The following FARSB variants were observed in gnomAD, a reference collection of about 807,000 sequenced individuals.
The protein encoded by FARSB is phenylalanine--tRNA ligase beta subunit.
FARSB carries 40 observed loss-of-function variants against 69.6 expected under a neutral mutation model. That is an observed-to-expected ratio of 0.57 (90% confidence interval 0.45 to 0.75). The LOEUF (loss-of-function observed/expected upper bound fraction) is 0.75, where lower values mean the gene tolerates loss of function less well. Among genes scored for constraint, FARSB ranks in the 30% least tolerant of loss-of-function variants. The pLI is 0.00. For synonymous variants in FARSB, 235 were observed against 247.2 expected, an observed-to-expected ratio of 0.95 and a Z score of 0.46; for missense variants, 632 against 722.9, an observed-to-expected ratio of 0.87 and a Z score of 1.44.
chr2:222,618,843 G>A (rs1559205098), intron 14 of FARSB, among the ~76,000 whole-genome samples: 1 of 152,098 alleles, frequency 6.6e-6, no homozygotes, highest in African/African-American at 2.4e-5. Context: ...ACAAATGAAT[G>A]GAAAAGAGAT....
intron 7 of FARSB, 78 bp downstream of exon 7, chr2:222,633,121 G>A: frequency 2.5e-6 from 2 of 796,356 alleles, no homozygotes; most frequent in Admixed American, 3.7e-5. Context: ...ATTCAGCCAA[G>A]TCTATTGAGA....
chr2:222,595,571 G>T (rs1690388818), intron 16 of FARSB, among the ~76,000 whole-genome samples: 1 of 152,130 alleles, frequency 6.6e-6, no homozygotes, highest in Admixed American at 6.5e-5. Context: ...CAAAACTAAA[G>T]TTCTAAACCT....
intron 15 of FARSB, among the ~76,000 whole-genome samples, chr2:222,602,599 C>A (rs1404724136): frequency 6.6e-6 from 1 of 151,076 alleles, no homozygotes; most frequent in Non-Finnish European, 1.5e-5. Flanking sequence ...CCATATTATC[C>A]AGTAATTCTA....
At position 222,605,688 on chromosome 2, in the gene FARSB, C is replaced by A. The variant is rs1213646654; in HGVS notation, c.1463-5605G>T. ...ATCCCAGTACTTTAGAAGGCCGAGG[C>A]AGAAGGATCACTTGAGCCCAGGAGT... is the stretch of plus-strand genomic sequence containing the variant. On this transcript the variant is annotated intron_variant, in intron 15 of 16. Coordinates refer to ENST00000281828, the MANE Select transcript of FARSB (RefSeq NM_005687.5). Among the ~76,000 whole-genome samples the A allele has an allele frequency of 2.6e-5, 4 of 152,244 alleles. No homozygotes were observed. In the South Asian group the frequency reaches 6.2e-4, roughly 24 times the overall value.
Position 222,643,006 on chromosome 2 carries a change from C to A in FARSB, c.115-1G>T. ...TACTTATTATTTCCTTCTCAGATGT[C>A]TAAAACAAGCCAAAAAGTAATGATA... is the stretch of plus-strand genomic sequence containing the variant. On this transcript the variant is annotated splice_acceptor_variant, in intron 2 of 16. Coordinates refer to ENST00000281828, the MANE Select transcript of FARSB (RefSeq NM_005687.5). LOFTEE classifies it high-confidence loss of function. 6.4e-7 allele frequency: 1 copy of A among 1,552,110 alleles called. No individual in the cohort carries two copies.
At chr2:222,623,272 GTCCACAAGCCTTTA>G (rs1445278964) in intron 13 of FARSB, among the ~76,000 whole-genome samples, 1 of 152,158 alleles carries the variant, frequency 6.6e-6, no homozygotes, top group African/African-American at 2.4e-5. Context: ...ATGTGGAACA[GTCCACAAGCCTTTA>G]CCCAGGACGG....
chr2:222,567,496 A>C lies in FARSB; in HGVS notation c.*4375T>G, dbSNP rs978814854. 6.6e-6 allele frequency: 1 copy of C among 152,232 alleles called. No individual in the cohort carries two copies. Among genetic ancestry groups the C allele is most frequent in the Admixed American group, 6.5e-5 (1 of 15,294 alleles). The allele number at this position is 152,232 out of a possible 1,614,324, so 9.4% of individuals were successfully genotyped here. A position where few individuals can be genotyped will look rare whatever the true frequency, so the allele number is the denominator to read the frequency against. On this transcript the variant is annotated 3_prime_UTR_variant, in exon 17 of 17. Coordinates refer to ENST00000281828, the MANE Select transcript of FARSB (RefSeq NM_005687.5). ...AGATTGAGAAGCAAGATTGTGAGTAATGTTCTCTCTTACCAAGCTGATGAG... is the reference window on the plus strand; with the variant it reads ...AGATTGAGAAGCAAGATTGTGAGTACTGTTCTCTCTTACCAAGCTGATGAG...
At chr2:222,652,894 C>T (rs536441253) in intron 1 of FARSB, among the ~76,000 whole-genome samples, 52 of 152,274 alleles carry the variant, frequency 3.4e-4, no homozygotes, top group African/African-American at 1.1e-3. Flanking sequence ...TATTAAAATA[C>T]GCTGAATCCT....
At chr2:222,627,142 G>A (rs1299355940) in intron 10 of FARSB, among the ~76,000 whole-genome samples, 1 of 152,154 alleles carries the variant, frequency 6.6e-6, no homozygotes, top group East Asian at 1.9e-4. Flanking sequence ...GTCATAAACT[G>A]CAAAAATGGC....
At chr2:222,642,003 CTTT>C (rs5838958) in intron 3 of FARSB, among the ~76,000 whole-genome samples, 25 of 128,704 alleles carry the variant, frequency 1.9e-4, no homozygotes, top group Non-Finnish European at 2.2e-4. Context: ...TATCCTCTAT[CTTT>C]TTTTTTTTTT....
At chr2:222,602,612 T>A (rs1172721867) in intron 15 of FARSB, among the ~76,000 whole-genome samples, 1 of 151,586 alleles carries the variant, frequency 6.6e-6, no homozygotes, top group African/African-American at 2.4e-5. Flanking sequence ...TAATTCTACT[T>A]CTTTTTTTTT....
chr2:222,647,394 C>A (rs1245163417), intron 2 of FARSB, among the ~76,000 whole-genome samples: 1 of 152,166 alleles, frequency 6.6e-6, no homozygotes, highest in Non-Finnish European at 1.5e-5. Context: ...GAGCTCAAGA[C>A]CCACTATGCA....
intron 16 of FARSB, among the ~76,000 whole-genome samples, chr2:222,573,990 C>G (rs544920993): frequency 3.9e-5 from 6 of 152,300 alleles, no homozygotes; most frequent in Admixed American, 2.6e-4. Context: ...AAAATCCATC[C>G]TTTCATCTAT....
At chr2:222,635,673 C>T (rs1691560303) in intron 5 of FARSB, among the ~76,000 whole-genome samples, 1 of 152,190 alleles carries the variant, frequency 6.6e-6, no homozygotes, top group East Asian at 1.9e-4. Context: ...ATTTCAACTT[C>T]AAATCAGCAA....
chr2:222,624,224 A>C (rs1391191752), intron 12 of FARSB, 48 bp downstream of exon 12: 2 of 1,215,112 alleles, frequency 1.6e-6, no homozygotes, highest in African/African-American at 3.0e-5. Flanking sequence ...GGCATTAAAT[A>C]ATCAGTTTCT....
At chr2:222,655,230 GCTA>G (rs1031153108) in intron 1 of FARSB, among the ~76,000 whole-genome samples, 60 of 152,018 alleles carry the variant, frequency 3.9e-4, no homozygotes, top group African/African-American at 1.4e-3. Context: ...TGGGGCAGCT[GCTA>G]CGGCTGTGAG....
In FARSB at chr2:222,602,996, T is replaced by TA. The variant is rs906864176; in HGVS notation, c.1463-2914dup. Among the ~76,000 whole-genome samples the TA allele has an allele frequency of 5.8e-4, 86 of 147,506 alleles. No individual in the cohort carries two copies. The South Asian group carries it at 6.0e-3, about 10-fold the overall frequency. ...ATTAATTTATTAAATTTTTATTTTG[T>TA]AAAAAAAAAAATCATCTAAACCTGT... On this transcript the variant is annotated intron_variant, in intron 15 of 16. Transcript: ENST00000281828.
chr2:222,570,383 G>T lies in FARSB; in HGVS notation c.*1488C>A, dbSNP rs931468271. Among the ~76,000 whole-genome samples the T allele has an allele frequency of 1.3e-5, 2 of 152,176 alleles. No homozygotes were observed. Among genetic ancestry groups the T allele is most frequent in the East Asian group, 3.8e-4 (2 of 5,202 alleles). On this transcript the variant is annotated 3_prime_UTR_variant, in exon 17 of 17. Coordinates refer to ENST00000281828, the MANE Select transcript of FARSB (RefSeq NM_005687.5). Reference sequence around the variant, plus strand: ...CAGAGCTGTGAAGGGTCAGCTGGAAGTGTGTGTGTTCACAAATCTTACAGA... The same window carrying T: ...CAGAGCTGTGAAGGGTCAGCTGGAATTGTGTGTGTTCACAAATCTTACAGA...
intron 14 of FARSB, among the ~76,000 whole-genome samples, chr2:222,618,226 T>A (rs79417365): frequency 0.036 from 5,490 of 152,294 alleles, 314 homozygotes; most frequent in African/African-American, 0.12. Flanking sequence ...AGTCTAGCTC[T>A]AATCTACAAC....
Sources: gnomAD v4.1 joint callset for allele counts (sites outside exome capture counted in the v4.1 genomes callset) on GRCh38, gnomAD v4.1.1 for gene constraint, MANE v1.5 for transcripts, NCBI Gene and HGNC (gene_info 2026-07-23, HGNC 2026-07-21) for gene names.